CACUL1: variants seen among roughly 807,000 people sequenced by gnomAD.
The protein encoded by CACUL1 is CDK2 associated cullin domain 1, also known as CDK2-associated and cullin domain-containing protein 1.
Under a neutral mutation model 45.2 loss-of-function variants are expected in CACUL1, and 13 were observed. That is an observed-to-expected ratio of 0.29 (90% confidence interval 0.19 to 0.46). CACUL1 has a LOEUF of 0.46. Ranked by LOEUF, CACUL1 falls within the 20% of genes least tolerant of loss-of-function variation. CACUL1 has a pLI of 1.00. For synonymous variants in CACUL1, 197 were observed against 174.2 expected, an observed-to-expected ratio of 1.13 and a Z score of -1.03; for missense variants, 421 against 471.4, an observed-to-expected ratio of 0.89 and a Z score of 0.99.
Position 118,707,549 on chromosome 10 carries a change from T to C in CACUL1, c.636A>G (p.Ile212Met), listed in dbSNP as rs756532829. Residue 212 changes from isoleucine to methionine, a missense_variant, in exon 4 of 9, where the codon ATA becomes ATG. By Grantham distance (10) the Ile-to-Met change is conservative (BLOSUM62 1). This residue lies in a region of CACUL1 where 208 missense variants were observed against 298.4 expected (regional missense o/e 0.70). Transcript: ENST00000369151. ...ATGCTCCCATATATTGTCCAAGAGC[T>C]ATATTAAATCTTTCAATATAGAGAT... ...PPDLYIERFN[I>M]ALGQYMGALQ... 1.0e-5 allele frequency: 16 copies of C among 1,586,640 alleles called. No individual in the cohort carries two copies. Among genetic ancestry groups the C allele is most frequent in the Non-Finnish European group, 1.3e-5 (15 of 1,155,712 alleles).
At chr10:118,726,527 G>A (rs997355939) in intron 3 of CACUL1, 7 of 302,566 alleles carry the variant, frequency 2.3e-5, no homozygotes, top group African/African-American at 1.3e-4. Context: ...TCTTATTGCT[G>A]AGATGCTATG....
At chr10:118,730,186 T>A (rs2119641930) in intron 2 of CACUL1, 98 bp downstream of exon 2, 1 of 1,256,640 alleles carries the variant, frequency 8.0e-7, no homozygotes, top group East Asian at 2.3e-5. Flanking sequence ...GAGCCTCATC[T>A]TATGCATTCT....
chr10:118,709,836 T>C (rs1246494348), intron 3 of CACUL1, among the ~76,000 whole-genome samples: 2 of 152,344 alleles, frequency 1.3e-5, no homozygotes, highest in African/African-American at 4.8e-5. Context: ...TTATTTTTTC[T>C]AATTCATCGT....
intron 5 of CACUL1, among the ~76,000 whole-genome samples, chr10:118,699,294 T>G (rs911976813): frequency 6.6e-6 from 1 of 152,196 alleles, no homozygotes; most frequent in African/African-American, 2.4e-5. Flanking sequence ...TACCAAAGCT[T>G]AAGGACCTTT....
intron 3 of CACUL1, among the ~76,000 whole-genome samples, chr10:118,722,749 G>A (rs1447576442): frequency 1.3e-5 from 2 of 152,178 alleles, no homozygotes; most frequent in Admixed American, 6.5e-5. Flanking sequence ...TACTCCAAAG[G>A]TGGGGCTTGG....
intron 4 of CACUL1, among the ~76,000 whole-genome samples, chr10:118,702,584 CTTTTTTTT>C (rs35241397): frequency 1.4e-5 from 2 of 138,832 alleles, no homozygotes; most frequent in Non-Finnish European, 3.2e-5. Context: ...TTTCTTTTTT[CTTTTTTTT>C]TTTTTTGAGA....
chr10:118,695,208 T>A lies in CACUL1; in HGVS notation c.819A>T (p.Ser273=), dbSNP rs1484723535. The A allele has an allele frequency of 1.2e-6, 2 of 1,605,390 alleles. No homozygotes were observed. The highest frequency in any genetic ancestry group is 1.7e-6 in the Non-Finnish European group (2 of 1,172,234). The change falls in exon 6 of 9, where the codon TCA becomes TCT. Residue 273 remains serine, a synonymous_variant. Coordinates refer to ENST00000369151, the MANE Select transcript of CACUL1 (RefSeq NM_153810.5). ...SLMPLLLEAQ[S]TPFQVTPSTM... ...TTGAAGGTGTGACCTGAAATGGTGT[T>A]GACTGGGCTTCTAAAAGTAAAGCTG...
In CACUL1 at chr10:118,704,699, A is replaced by G. The variant is rs144642650; in HGVS notation, c.693+2793T>C. Among the ~76,000 whole-genome samples the G allele has an allele frequency of 7.4e-4, 113 of 152,292 alleles. 1 individual carries two copies. In the East Asian group the frequency reaches 0.011, roughly 14 times the overall value. Reference sequence around the variant, plus strand: ...ACCTTTTTTGTATATTCACAAACCAATCAGCATGCACTCCCCATTCTGAGT... The same window carrying G: ...ACCTTTTTTGTATATTCACAAACCAGTCAGCATGCACTCCCCATTCTGAGT... On this transcript the variant is annotated intron_variant, in intron 4 of 8. Coordinates refer to ENST00000369151, the MANE Select transcript of CACUL1 (RefSeq NM_153810.5).
At chr10:118,752,223 A>T (rs926688900) in intron 1 of CACUL1, among the ~76,000 whole-genome samples, 37 of 152,200 alleles carry the variant, frequency 2.4e-4, no homozygotes, top group Admixed American at 1.8e-3. Flanking sequence ...TGACAGGAGC[A>T]TCCTTATCTT....
intron 3 of CACUL1, among the ~76,000 whole-genome samples, chr10:118,727,784 G>C (rs1361490410): frequency 6.6e-6 from 1 of 152,196 alleles, no homozygotes; most frequent in Non-Finnish European, 1.5e-5. Flanking sequence ...GTCGAGAAAT[G>C]ATGATGAACC....
intron 3 of CACUL1, among the ~76,000 whole-genome samples, chr10:118,717,980 A>G (rs189045520): frequency 1.1e-3 from 165 of 152,306 alleles, no homozygotes; most frequent in Non-Finnish European, 2.1e-3. Context: ...TTAACTGCCA[A>G]TGGAAGACAT....
chr10:118,713,904 A>C (rs1845516852), intron 3 of CACUL1, among the ~76,000 whole-genome samples: 1 of 152,208 alleles, frequency 6.6e-6, no homozygotes, highest in Non-Finnish European at 1.5e-5. Context: ...CAAGATTCCA[A>C]AAAGCTTTTT....
intron 1 of CACUL1, 150 bp downstream of exon 1, chr10:118,754,246 G>A (rs771071378): frequency 6.1e-5 from 73 of 1,204,108 alleles, no homozygotes; most frequent in Non-Finnish European, 7.4e-5. Flanking sequence ...ACGGTGAGGG[G>A]GAAGGAGGCA....
At chr10:118,721,293 G>A (rs571003413) in intron 3 of CACUL1, among the ~76,000 whole-genome samples, 2 of 152,324 alleles carry the variant, frequency 1.3e-5, no homozygotes, top group East Asian at 1.9e-4. Flanking sequence ...TGGCAATCTG[G>A]CAGTAAAGAT....
At chr10:118,747,412 A>C (rs990128609) in intron 1 of CACUL1, among the ~76,000 whole-genome samples, 19 of 152,070 alleles carry the variant, frequency 1.2e-4, no homozygotes, top group Non-Finnish European at 2.4e-4. Flanking sequence ...ACTTGTATGA[A>C]ACCTTTACCC....
chr10:118,708,458 T>C (rs1006430258), intron 3 of CACUL1, among the ~76,000 whole-genome samples: 6 of 152,104 alleles, frequency 3.9e-5, no homozygotes, highest in Admixed American at 3.3e-4. Context: ...TGTAGAGCAG[T>C]AAAACACAAT....
intron 1 of CACUL1, among the ~76,000 whole-genome samples, chr10:118,737,369 C>T (rs1446000455): frequency 3.3e-5 from 5 of 152,138 alleles, no homozygotes; most frequent in African/African-American, 1.2e-4. Flanking sequence ...TCAGTATATT[C>T]ATTACATTCA....
chr10:118,754,743 T>G lies in CACUL1; in HGVS notation c.20A>C (p.Glu7Ala). ...CGCCTCGTAGCTGCCCCCCTCCTCC[T>G]CTTCCATGCTTTCCTCCATCCTGCT... MEESME[E>A]EEGGSYEAMM... Residue 7 changes from glutamate to alanine, a missense_variant, in exon 1 of 9, where the codon GAG becomes GCG. Glu to Ala is a moderately radical substitution (Grantham distance 107). Coordinates refer to ENST00000369151, the MANE Select transcript of CACUL1 (RefSeq NM_153810.5). The G allele has an allele frequency of 8.2e-6, 13 of 1,594,300 alleles. No individual in the cohort carries two copies. Among genetic ancestry groups the G allele is most frequent in the Non-Finnish European group, 1.0e-5 (12 of 1,172,386 alleles).
chr10:118,717,430 T>C (rs118060323), intron 3 of CACUL1, among the ~76,000 whole-genome samples: 26 of 152,300 alleles, frequency 1.7e-4, no homozygotes, highest in Admixed American at 3.9e-4. Context: ...ATAACTCAAG[T>C]TCCCCCTCAG....
Sources: allele counts gnomAD v4.1 joint callset (sites outside exome capture counted in the v4.1 genomes callset), GRCh38; gene constraint gnomAD v4.1.1; regional missense constraint gnomAD v4.1.1; transcripts MANE v1.5; gene names NCBI Gene and HGNC (gene_info 2026-07-23, HGNC 2026-07-21).